The following ERI3 variants were observed in gnomAD, a reference collection of about 807,000 sequenced individuals.
ERI3 encodes the protein ERI1 exoribonuclease family member 3, also known as ERI1 exoribonuclease 3.
Under a neutral mutation model 44.4 loss-of-function variants are expected in ERI3, and 18 were observed. The ratio of observed to expected loss-of-function variants is 0.41; its 90% confidence interval spans 0.28 to 0.60. The LOEUF is 0.60. ERI3 is among the 20% of genes least tolerant of loss of function. The probability of loss-of-function intolerance (pLI) is 0.36; values close to 1 mark genes in which losing one functional copy is unlikely to be tolerated. For missense variants in ERI3, 294 were observed against 435.5 expected, an observed-to-expected ratio of 0.68 and a Z score of 2.89; for synonymous variants, 183 against 164.8, an observed-to-expected ratio of 1.11 and a Z score of -0.84.
chr1:44,302,560 T>G (rs962564008), intron 6 of ERI3, among the ~76,000 whole-genome samples: 2 of 152,202 alleles, frequency 1.3e-5, no homozygotes, highest in African/African-American at 4.8e-5. Flanking sequence ...ACCTGAAGAT[T>G]CATTAACTTG....
At chr1:44,326,017 A>G (rs1646305044) in intron 3 of ERI3, among the ~76,000 whole-genome samples, 1 of 152,160 alleles carries the variant, frequency 6.6e-6, no homozygotes, top group Admixed American at 6.5e-5. Context: ...GCCTGAGCTG[A>G]TGTTTCTATG....
Position 44,284,903 on chromosome 1 carries a change from G to T in ERI3, c.763C>A (p.Pro255Thr). The T allele has an allele frequency of 6.2e-7, 1 of 1,613,854 alleles. No homozygotes were observed. Residue 255 changes from proline to threonine, a missense_variant, in exon 7 of 9, where the codon CCA (proline) becomes ACA (threonine). Physicochemically the swap from Pro to Thr is conservative, Grantham distance 38. This residue lies in a region of ERI3 where 187 missense variants were observed against 338.6 expected (regional missense o/e 0.55). Transcript: ENST00000372257. ...AAGCCCAAGTACTGGCACTGGCCTG[G>T]GAGCCTACAAAAAAAAGGGAAGAGA... Reference protein sequence around the residue: ...CGDWDLKVMLPGQCQYLGLPV... With the variant: ...CGDWDLKVMLTGQCQYLGLPV...
At chr1:44,258,029 C>A (rs1384010405) in intron 7 of ERI3, among the ~76,000 whole-genome samples, 1 of 152,152 alleles carries the variant, frequency 6.6e-6, no homozygotes, top group African/African-American at 2.4e-5. Flanking sequence ...TCTCTCCCAC[C>A]CCCCTTCCTG....
intron 7 of ERI3, among the ~76,000 whole-genome samples, chr1:44,265,139 C>T (rs1644965143): frequency 1.7e-5 from 1 of 58,398 alleles, no homozygotes; most frequent in Non-Finnish European, 2.7e-5. Context: ...CAGAGGCCCC[C>T]AGAAGCGGGA....
chr1:44,267,224 C>T (rs182940868), intron 7 of ERI3, among the ~76,000 whole-genome samples: 2 of 152,304 alleles, frequency 1.3e-5, no homozygotes, highest in African/African-American at 4.8e-5. Flanking sequence ...ACATAAGCTA[C>T]AAGACTTGTA....
At chr1:44,341,890 AAAAAC>A (rs371317809) in intron 2 of ERI3, among the ~76,000 whole-genome samples, 1,822 of 152,232 alleles carry the variant, frequency 0.012, 67 homozygotes, top group East Asian at 0.068. Context: ...ACCATAATTC[AAAAAC>A]AAAACAAAAC....
rs566640039 is a variant in ERI3, at chr1:44,306,243, C to G, written c.758+2067G>C. ...CTTCCCAGTCCAAACCCAAACCAGC[C>G]CACAAAGTCTGCCCTACCCATCTCT... On this transcript the variant is annotated intron_variant, in intron 6 of 8. Transcript: ENST00000372257. Among the ~76,000 whole-genome samples the G allele has an allele frequency of 3.3e-5, 5 of 152,330 alleles. No homozygotes were observed. In the East Asian group the frequency reaches 9.6e-4, roughly 29 times the overall value.
intron 6 of ERI3, among the ~76,000 whole-genome samples, chr1:44,290,311 A>T (rs1158061234): frequency 6.6e-6 from 1 of 152,196 alleles, no homozygotes; most frequent in Non-Finnish European, 1.5e-5. Flanking sequence ...CCATGGAGGC[A>T]CAGAAGGCCC....
chr1:44,224,543 C>T (rs924330116), intron 8 of ERI3, among the ~76,000 whole-genome samples: 1 of 152,350 alleles, frequency 6.6e-6, no homozygotes, highest in East Asian at 1.9e-4. Flanking sequence ...AATGGCCTTG[C>T]TGTTATTGTG....
intron 8 of ERI3, among the ~76,000 whole-genome samples, chr1:44,225,917 G>C (rs1644027259): frequency 6.6e-6 from 1 of 152,164 alleles, no homozygotes; most frequent in Non-Finnish European, 1.5e-5. Flanking sequence ...CAGTGATCTT[G>C]TACCATATGG....
chr1:44,244,889 CAGG>C (rs1644521398), intron 8 of ERI3, among the ~76,000 whole-genome samples: 1 of 152,142 alleles, frequency 6.6e-6, no homozygotes, highest in Admixed American at 6.5e-5. Flanking sequence ...TGTGGCACTG[CAGG>C]AGGACTGAGC....
chr1:44,333,112 G>A (rs1028489075), intron 3 of ERI3, among the ~76,000 whole-genome samples: 5 of 152,178 alleles, frequency 3.3e-5, no homozygotes, highest in African/African-American at 7.2e-5. Flanking sequence ...CAAGCATTTT[G>A]TGCTCTGCTT....
intron 7 of ERI3, among the ~76,000 whole-genome samples, chr1:44,266,685 GAATGAA>G (rs1644996622): frequency 6.6e-6 from 1 of 152,198 alleles, no homozygotes; most frequent in Non-Finnish European, 1.5e-5. Flanking sequence ...GCCATTTACT[GAATGAA>G]AATGAATGAA....
At chr1:44,353,171 C>T (rs1646932049) in intron 1 of ERI3, 7 of 985,174 alleles carry the variant, frequency 7.1e-6, no homozygotes, top group Non-Finnish European at 8.4e-6. Context: ...AAACATTTAC[C>T]GAGAAAGATA....
intron 8 of ERI3, among the ~76,000 whole-genome samples, chr1:44,240,626 G>A (rs1005993705): frequency 2.0e-5 from 3 of 152,282 alleles, no homozygotes; most frequent in East Asian, 1.9e-4. Context: ...CCCTTATCAC[G>A]GGGTTTGAGA....
rs949838814 is a variant in ERI3, at chr1:44,241,410, C to G, written c.931+6529G>C. ...CGCCCAGTGCTTGGTGGGCACCGCACGCCCTCACACACACTCAAACACATG... is the reference window on the plus strand; with the variant it reads ...CGCCCAGTGCTTGGTGGGCACCGCAGGCCCTCACACACACTCAAACACATG... On this transcript the variant is annotated intron_variant, in intron 8 of 8. Coordinates refer to ENST00000372257, the MANE Select transcript of ERI3 (RefSeq NM_024066.3). The surrounding 1 kb of genome is among the most constrained non-coding windows in gnomAD (Gnocchi z 5.6). Among the ~76,000 whole-genome samples the G allele has an allele frequency of 3.9e-5, 6 of 152,216 alleles. No individual in the cohort carries two copies. Among genetic ancestry groups the G allele is most frequent in the African/African-American group, 1.4e-4 (6 of 41,526 alleles).
At chr1:44,335,880 T>C (rs895738880) in intron 3 of ERI3, among the ~76,000 whole-genome samples, 1 of 152,192 alleles carries the variant, frequency 6.6e-6, no homozygotes, top group Non-Finnish European at 1.5e-5. Flanking sequence ...GTATACCTTA[T>C]TCCGGTCCTT....
chr1:44,320,530 C>T (rs1047732924), intron 3 of ERI3, among the ~76,000 whole-genome samples: 5 of 152,140 alleles, frequency 3.3e-5, no homozygotes, highest in Admixed American at 6.5e-5. Context: ...CCTCATACAT[C>T]GCTCCTGGGA....
In ERI3 at chr1:44,221,224, A is replaced by C; in HGVS notation, c.*334T>G. 2.7e-6 allele frequency: 1 copy of C among 366,126 alleles called. No homozygotes were observed. Among genetic ancestry groups the C allele is most frequent in the Non-Finnish European group, 5.1e-6 (1 of 197,462 alleles). 22.7% of individuals were successfully genotyped at this position (366,126 alleles called of 1,614,324 possible). ...CACTATGGATGGGAGGGGGCACAGGAGGGGCTTGGTGGCCCCACAGAAGCC... is the reference window on the plus strand; with the variant it reads ...CACTATGGATGGGAGGGGGCACAGGCGGGGCTTGGTGGCCCCACAGAAGCC... On this transcript the variant is annotated 3_prime_UTR_variant, in exon 9 of 9. Coordinates refer to ENST00000372257, the MANE Select transcript of ERI3 (RefSeq NM_024066.3). This position sits in a 1 kb window ranked among gnomAD's most constrained non-coding sequence, Gnocchi z 5.9.
Sources: allele counts gnomAD v4.1 joint callset (sites outside exome capture counted in the v4.1 genomes callset), GRCh38; gene constraint gnomAD v4.1.1; regional missense constraint gnomAD v4.1.1; non-coding constraint Gnocchi (gnomAD v3.1); transcripts MANE v1.5; gene names NCBI Gene and HGNC (gene_info 2026-07-23, HGNC 2026-07-21).